The following ACP4 variants were observed in gnomAD, a reference collection of about 807,000 sequenced individuals.
ACP4 encodes testicular acid phosphatase.
Under a neutral mutation model 47.3 loss-of-function variants are expected in ACP4, and 49 were observed. That is an observed-to-expected ratio of 1.04 (90% CI 0.82 to 1.32). The LOEUF (loss-of-function observed/expected upper bound fraction) is 1.32, where lower values mean the gene tolerates loss of function less well. Among genes scored for constraint, ACP4 ranks in the 40% most tolerant of loss-of-function variants. The pLI, the probability that ACP4 is intolerant of heterozygous loss-of-function variation, is 0.00. For synonymous variants in ACP4, 299 were observed against 265.3 expected (o/e 1.13, Z -1.23); for missense variants, 594 against 579.3 (o/e 1.03, Z -0.26).
rs746969744 is a variant in ACP4 at position 50,791,794 on chromosome 19, G to A, written c.442G>A (p.Glu148Lys). Residue 148 changes from glutamate (E) to lysine (K), a missense_variant, in exon 4 of 11, where the codon GAG (glutamate) becomes AAG (lysine). Coordinates refer to ENST00000270593, the MANE Select transcript of ACP4 (RefSeq NM_033068.3). The part of the protein sequence containing the change: ...PIPVHTVPVA[E>K]DKLLRFPMRS... Reference sequence around the variant, plus strand: ...CCCGGTGCACACGGTGCCCGTGGCTGAGGATAAGGTCAGGGGGCTGGACCC... The same window carrying A: ...CCCGGTGCACACGGTGCCCGTGGCTAAGGATAAGGTCAGGGGGCTGGACCC... The A allele has an allele frequency of 1.2e-6, 2 of 1,605,222 alleles. No individual in the cohort carries two copies. The highest frequency in any genetic ancestry group is 3.4e-5 in the Admixed American group (2 of 58,530).
chr19:50,794,990 G>C lies in ACP4; in HGVS notation c.1165+26G>C, dbSNP rs200934487. On this transcript the variant is annotated intron_variant, in intron 10 of 10. Transcript: ENST00000270593. ...GTGACAGTCCTCTGTGTTGGGGTGGGAGTGGAGGGTTGCCAAGTCCTGGCA... is the reference window on the plus strand; with the variant it reads ...GTGACAGTCCTCTGTGTTGGGGTGGCAGTGGAGGGTTGCCAAGTCCTGGCA... The C allele has an allele frequency of 2.5e-6, 4 of 1,613,480 alleles. No individual in the cohort carries two copies. The African/African-American group carries it at 4.0e-5, about 16-fold the overall frequency.
At chr19:50,793,414 C>G (rs1408466315) in intron 6 of ACP4, 2 of 451,130 alleles carry the variant, frequency 4.4e-6, no homozygotes, top group African/African-American at 1.9e-5. Flanking sequence ...ACTTGGGAGG[C>G]TGAGGCAGGA....
chr19:50,790,843 G>C lies in ACP4; in HGVS notation c.286G>C (p.Glu96Gln), dbSNP rs2089498000. 1.3e-6 allele frequency: 2 copies of C among 1,548,614 alleles called. No individual in the cohort carries two copies. Among genetic ancestry groups the C allele is most frequent in the Non-Finnish European group, 1.7e-6 (2 of 1,146,756 alleles). ...RSRYEAFLSP[E>Q]YRREEVYIRS... ...CCGCTACGAGGCCTTCCTGAGTCCG[G>C]AGTACCGGCGGGAGGAGGTAGGGCC... is the stretch of plus-strand genomic sequence containing the variant. The change falls in exon 3 of 11, where the codon GAG becomes CAG. Residue 96 changes from glutamate to glutamine, a missense_variant. Glu to Gln is a conservative substitution (Grantham distance 29). Coordinates refer to ENST00000270593, the MANE Select transcript of ACP4 (RefSeq NM_033068.3).
chr19:50,790,416 TGGCC>T lies in ACP4; in HGVS notation c.7_10del (p.Gly3_?4). 2 of 1,581,168 alleles carry T rather than the reference TGGCC, an allele frequency of 1.3e-6. No individual in the cohort carries two copies. Among genetic ancestry groups the T allele is most frequent in the Non-Finnish European group, 8.6e-7 (1 of 1,166,970 alleles). Reference sequence around the variant, plus strand: ...GCTCAGCGTCTGGGCTGGGTGGAAATGGCCGGCCTGGGGTTTTGGGGCCACCCTG... The same window carrying T: ...GCTCAGCGTCTGGGCTGGGTGGAAATGGCCTGGGGTTTTGGGGCCACCCTG... On this transcript the variant is annotated frameshift_variant and start_lost, in exon 1 of 11. Transcript: ENST00000270593. LOFTEE classifies it high-confidence loss of function.
chr19:50,792,953 G>A (rs2089522756), intron 6 of ACP4, among the ~76,000 whole-genome samples: 1 of 152,142 alleles, frequency 6.6e-6, no homozygotes, highest in Admixed American at 6.5e-5. Flanking sequence ...TTACAGGCGT[G>A]AGCCACCATA....
At chr19:50,794,692 GGGA>G in intron 9 of ACP4, 91 bp from the exon 10 acceptor site, 1 of 1,584,214 alleles carries the variant, frequency 6.3e-7, no homozygotes, top group Admixed American at 1.7e-5. Context: ...GGATGATGCT[GGGA>G]GGATGACAGG....
rs1181411438 is a variant in ACP4 at position 50,793,912 on chromosome 19, C to T, written c.803C>T (p.Ala268Val). 1 of 1,614,158 alleles carries T rather than the reference C, an allele frequency of 6.2e-7. No homozygotes were observed. The highest frequency in any genetic ancestry group is 1.1e-5 in the South Asian group (1 of 91,090). ...GGGATCCTGCTGAATGCTATCCTTG[C>T]AAACTTCTCCCGGGTCCAGCGCCTG... ...TGGILLNAIL[A>V]NFSRVQRLGL... Residue 268 changes from alanine (A) to valine (V), a missense_variant, in exon 8 of 11, where the codon GCA becomes GTA. Coordinates refer to ENST00000270593, the MANE Select transcript of ACP4 (RefSeq NM_033068.3).
At position 50,795,035 on chromosome 19, in the gene ACP4, C is replaced by A; in HGVS notation, c.1166-8C>A. ...CTGGCACTCACCCCCCGCGTGTTCT[C>A]CCTGCAGCTCCAGTGGTGCCCCTGC... On this transcript the variant is annotated splice_polypyrimidine_tract_variant and splice_region_variant and intron_variant, in intron 10 of 10. Transcript: ENST00000270593. The A allele has an allele frequency of 6.2e-7, 1 of 1,612,006 alleles. No homozygotes were observed. Among genetic ancestry groups the A allele is most frequent in the East Asian group, 2.2e-5 (1 of 44,800 alleles).
Position 50,793,878 on chromosome 19 carries a change from C to T in ACP4, c.779-10C>T, listed in dbSNP as rs1481115426. On this transcript the variant is annotated splice_polypyrimidine_tract_variant and intron_variant, in intron 7 of 10. Transcript: ENST00000270593. Reference sequence around the variant, plus strand: ...CTGGGAGAGTCTAAGCTCTTTTTTCCCATCCTCAGGGATCCTGCTGAATGC... The same window carrying T: ...CTGGGAGAGTCTAAGCTCTTTTTTCTCATCCTCAGGGATCCTGCTGAATGC... 1.5e-5 allele frequency: 24 copies of T among 1,614,026 alleles called. No individual in the cohort carries two copies. The highest frequency in any genetic ancestry group is 1.9e-5 in the Non-Finnish European group (23 of 1,180,046).
chr19:50,790,633 C>A lies in ACP4; in HGVS notation c.151C>A (p.Pro51Thr). ...HGDRAPLASY[P>T]MDPHKEVAST... ...CGACCGGGCCCCGCTGGCCTCCTAC[C>A]CCATGGACCCACACAAGGAGGTGGC... Residue 51 changes from proline to threonine, a missense_variant, in exon 2 of 11, where the codon CCC (proline) becomes ACC (threonine). Transcript: ENST00000270593. 6.4e-7 allele frequency: 1 copy of A among 1,553,724 alleles called. No individual in the cohort carries two copies. The highest frequency in any genetic ancestry group is 8.7e-7 in the Non-Finnish European group (1 of 1,150,126).
intron 6 of ACP4, chr19:50,792,612 C>A: frequency 4.8e-6 from 2 of 413,902 alleles, no homozygotes. Context: ...AACTCCTCCC[C>A]ACAGTCCTAT....
At chr19:50,790,930 T>C in intron 3 of ACP4, 70 bp downstream of exon 3, 1 of 1,414,344 alleles carries the variant, frequency 7.1e-7, no homozygotes, top group Non-Finnish European at 9.6e-7. Flanking sequence ...TACAACGCTC[T>C]CTTTGGGCCT....
intron 6 of ACP4, chr19:50,793,203 C>T (rs1463673092): frequency 6.1e-6 from 1 of 164,620 alleles, no homozygotes; most frequent in Non-Finnish European, 1.3e-5. Flanking sequence ...ATGACGATGT[C>T]TATTATTAAC....
At chr19:50,795,020 C>A (rs757186864) in intron 10 of ACP4, 23 bp from the exon 11 acceptor site, 3 of 1,612,528 alleles carry the variant, frequency 1.9e-6, no homozygotes, top group African/African-American at 2.7e-5. Context: ...CTGGCACTCA[C>A]CCCCCGCGTG....
At chr19:50,791,009 C>T in intron 3 of ACP4, 149 bp downstream of exon 3, 1 of 744,904 alleles carries the variant, frequency 1.3e-6, no homozygotes, top group African/African-American at 1.8e-5. Flanking sequence ...CCCCGATACA[C>T]TGACTAACCC....
intron 6 of ACP4, 56 bp downstream of exon 6, chr19:50,792,393 C>G: frequency 1.9e-6 from 3 of 1,556,990 alleles, no homozygotes; most frequent in Non-Finnish European, 2.6e-6. Flanking sequence ...CCAATCCCAG[C>G]TTGCTACTCA....
chr19:50,791,414 A>G (rs1386213262), intron 3 of ACP4, among the ~76,000 whole-genome samples: 1 of 151,618 alleles, frequency 6.6e-6, no homozygotes, highest in Non-Finnish European at 1.5e-5. Context: ...TTCCTTTTTG[A>G]CCCTCATTGA....
chr19:50,792,104 G>A lies in ACP4; in HGVS notation c.482G>A (p.Arg161Gln), dbSNP rs751444282. Residue 161 changes from arginine to glutamine, a missense_variant, in exon 5 of 11, where the codon CGA becomes CAA. By Grantham distance (43) the Arg-to-Gln change is conservative. Transcript: ENST00000270593. Reference protein sequence around the residue: ...LLRFPMRSCPRYHELLREATE... With the variant: ...LLRFPMRSCPQYHELLREATE... ...AGGTTCCCCATGCGCAGCTGTCCCC[G>A]ATACCACGAGCTGCTGCGGGAGGCC... The A allele has an allele frequency of 1.2e-5, 20 of 1,601,128 alleles. No individual in the cohort carries two copies. The Admixed American group carries it at 1.6e-4, about 12-fold the overall frequency.
intron 8 of ACP4, 72 bp downstream of exon 8, chr19:50,794,042 A>T: frequency 6.4e-7 from 1 of 1,565,972 alleles, no homozygotes; most frequent in Non-Finnish European, 8.8e-7. Flanking sequence ...TTAGGTGAGG[A>T]AGAGCCTGTG....
Sources: allele counts gnomAD v4.1 joint callset (sites outside exome capture counted in the v4.1 genomes callset), GRCh38; gene constraint gnomAD v4.1.1; transcripts MANE v1.5; gene names NCBI Gene and HGNC (gene_info 2026-07-23, HGNC 2026-07-21).